The following ABI2 variants were observed in gnomAD, a reference collection of about 807,000 sequenced individuals.
ABI2 encodes the protein abl interactor 2, also known as abelson interactor 2.
In ABI2, 25 loss-of-function variants were observed where a neutral mutation model predicts 59.2. The ratio of observed to expected loss-of-function variants is 0.42; its 90% confidence interval spans 0.31 to 0.59. The LOEUF is 0.59. ABI2 is among the 20% of genes least tolerant of loss of function. The pLI, the probability that ABI2 is intolerant of heterozygous loss-of-function variation, is 0.14. For missense variants in ABI2, 545 were observed against 681.8 expected, an observed-to-expected ratio of 0.80 and a Z score of 2.23; for synonymous variants, 213 against 235.5, an observed-to-expected ratio of 0.90 and a Z score of 0.87.
At chr2:203,404,695 A>G (rs1398347764) in intron 9 of ABI2, among the ~76,000 whole-genome samples, 3 of 152,084 alleles carry the variant, frequency 2.0e-5, no homozygotes, top group Non-Finnish European at 4.4e-5. Flanking sequence ...AGTAGCAGGG[A>G]TTACAGGCAC....
intron 2 of ABI2, among the ~76,000 whole-genome samples, chr2:203,379,255 T>C (rs2095933787): frequency 6.6e-6 from 1 of 152,232 alleles, no homozygotes; most frequent in Non-Finnish European, 1.5e-5. Context: ...AAAATGGCTT[T>C]TTTGTTTTTT....
At chr2:203,366,309 C>G (rs560942229) in intron 1 of ABI2, among the ~76,000 whole-genome samples, 3 of 152,042 alleles carry the variant, frequency 2.0e-5, no homozygotes, top group Non-Finnish European at 1.5e-5. Flanking sequence ...ATAACACTTA[C>G]AATGTTTGGG....
chr2:203,332,557 G>A lies in ABI2; in HGVS notation c.117+3926G>A, dbSNP rs184371350. On this transcript the variant is annotated intron_variant, in intron 1 of 11. Coordinates refer to ENST00000261018, the MANE Select transcript of ABI2 (RefSeq NM_001375670.1). ...GGAGAATCACTTGAACCTGGGAAGC[G>A]GAGGTTGCAGTGAGCCAAGATCATG... Among the ~76,000 whole-genome samples, 376 of 152,236 alleles carry A rather than the reference G, an allele frequency of 2.5e-3. 5 individuals are homozygous for A. Among genetic ancestry groups the A allele is most frequent in the African/African-American group, 8.7e-3 (360 of 41,530 alleles).
intron 9 of ABI2, among the ~76,000 whole-genome samples, chr2:203,409,387 A>G (rs1300488726): frequency 6.6e-6 from 1 of 152,112 alleles, no homozygotes; most frequent in African/African-American, 2.4e-5. Context: ...TTGTCTGTGC[A>G]TTTATATGTC....
chr2:203,401,060 A>G (rs1428466243), intron 8 of ABI2, among the ~76,000 whole-genome samples: 2 of 152,182 alleles, frequency 1.3e-5, no homozygotes, highest in African/African-American at 4.8e-5. Context: ...AAATGGATAG[A>G]TGAGTGTGCC....
At chr2:203,355,703 C>T (rs13000591) in intron 1 of ABI2, among the ~76,000 whole-genome samples, 139,887 of 151,314 alleles carry the variant, frequency 0.92, 64,914 homozygotes, top group Non-Finnish European at 0.96. Context: ...TGGTGGCGCA[C>T]GCCTGTAATC....
chr2:203,383,180 C>G (rs1180555164), intron 4 of ABI2: 1 of 154,670 alleles, frequency 6.5e-6, no homozygotes, highest in Non-Finnish European at 1.5e-5. Flanking sequence ...GACAAGATGA[C>G]TGAGCTCTGA....
intron 2 of ABI2, among the ~76,000 whole-genome samples, chr2:203,368,269 A>G (rs2094686125): frequency 6.6e-6 from 1 of 152,194 alleles, no homozygotes; most frequent in Non-Finnish European, 1.5e-5. Context: ...TAAAAAATAT[A>G]AAAATGATAA....
intron 4 of ABI2, among the ~76,000 whole-genome samples, chr2:203,387,960 A>G (rs1000579175): frequency 2.6e-5 from 4 of 152,166 alleles, no homozygotes; most frequent in African/African-American, 9.6e-5. Flanking sequence ...TAGTTTTTTT[A>G]GGATCAATCA....
intron 1 of ABI2, among the ~76,000 whole-genome samples, chr2:203,364,401 A>C (rs189721614): frequency 1.8e-3 from 278 of 152,208 alleles, no homozygotes; most frequent in African/African-American, 6.0e-3. Flanking sequence ...GCAGGGAAAG[A>C]TACTTGTACA....
intron 4 of ABI2, among the ~76,000 whole-genome samples, chr2:203,389,118 A>G (rs1397570034): frequency 6.6e-6 from 1 of 152,194 alleles, no homozygotes; most frequent in Non-Finnish European, 1.5e-5. Flanking sequence ...TATTACTCCT[A>G]AAATTTTCCC....
intron 2 of ABI2, among the ~76,000 whole-genome samples, chr2:203,376,871 T>A (rs893010396): frequency 6.6e-6 from 1 of 152,064 alleles, no homozygotes; most frequent in African/African-American, 2.4e-5. Context: ...TAAGATCAAA[T>A]GAACAGATTT....
At chr2:203,377,678 G>A (rs1415934765) in intron 2 of ABI2, among the ~76,000 whole-genome samples, 1 of 152,152 alleles carries the variant, frequency 6.6e-6, no homozygotes, top group African/African-American at 2.4e-5. Context: ...GGCCAAGGTG[G>A]GTGGATCACT....
intron 1 of ABI2, among the ~76,000 whole-genome samples, chr2:203,344,844 C>T (rs1233010873): frequency 1.3e-5 from 2 of 152,148 alleles, no homozygotes; most frequent in Non-Finnish European, 2.9e-5. Flanking sequence ...TAAAAACGCA[C>T]CAGTCAGCGC....
intron 1 of ABI2, among the ~76,000 whole-genome samples, chr2:203,350,101 CAG>C (rs1255005829): frequency 2.6e-5 from 4 of 152,146 alleles, no homozygotes; most frequent in Non-Finnish European, 4.4e-5. Context: ...TTTTTTGAGA[CAG>C]AATCTCACTG....
At chr2:203,396,369 A>T (rs1166477897) in intron 7 of ABI2, among the ~76,000 whole-genome samples, 2 of 149,040 alleles carry the variant, frequency 1.3e-5, no homozygotes, top group Non-Finnish European at 2.9e-5. Context: ...TTTGTGTTTT[A>T]AAAAAAATTT....
chr2:203,417,523 T>G (rs1559379754), intron 11 of ABI2, among the ~76,000 whole-genome samples: 1 of 152,240 alleles, frequency 6.6e-6, no homozygotes, highest in East Asian at 1.9e-4. Context: ...ATTGGGCATT[T>G]CTTTTAGTGA....
Position 203,391,236 on chromosome 2 carries a change from GA to G in ABI2, c.578+94del. 4 of 881,306 alleles carry G rather than the reference GA, an allele frequency of 4.5e-6. No individual in the cohort carries two copies. In the Admixed American group the frequency reaches 1.4e-4, roughly 31 times the overall value. 54.6% of individuals were successfully genotyped at this position (881,306 alleles called of 1,614,324 possible). A position where few individuals can be genotyped will look rare whatever the true frequency, so the allele number is the denominator to read the frequency against. ...TTAAATTATTTTTTGAATATTTGAA[GA>G]GAGAACATTTTCTTTGTAGGATTGT... On this transcript the variant is annotated intron_variant, in intron 5 of 11. Coordinates refer to ENST00000261018, the MANE Select transcript of ABI2 (RefSeq NM_001375670.1).
At chr2:203,330,035 C>T (rs1238971783) in intron 1 of ABI2, among the ~76,000 whole-genome samples, 1 of 152,134 alleles carries the variant, frequency 6.6e-6, no homozygotes, top group Non-Finnish European at 1.5e-5. Flanking sequence ...CCTTTCTTAA[C>T]ATTAGCTATA....
Sources: allele counts gnomAD v4.1 joint callset (sites outside exome capture counted in the v4.1 genomes callset), GRCh38; gene constraint gnomAD v4.1.1; transcripts MANE v1.5; gene names NCBI Gene and HGNC (gene_info 2026-07-23, HGNC 2026-07-21).